EMCN: variants seen among roughly 807,000 people sequenced by gnomAD.
The protein encoded by EMCN is endomucin.
A neutral mutation model predicts 38.4 loss-of-function variants in EMCN; 37 were observed. That is an observed-to-expected ratio of 0.96 (90% CI 0.74 to 1.27). The LOEUF (loss-of-function observed/expected upper bound fraction) is 1.27, where lower values mean the gene tolerates loss of function less well. Among genes scored for constraint, EMCN ranks in the 50% most tolerant of loss-of-function variants. The pLI, the probability that EMCN is intolerant of heterozygous loss-of-function variation, is 0.00. For synonymous variants in EMCN, 95 were observed against 100.8 expected, an observed-to-expected ratio of 0.94 and a Z score of 0.35; for missense variants, 318 against 302.8, an observed-to-expected ratio of 1.05 and a Z score of -0.37.
At chr4:100,447,030 C>T (rs1264989852) in intron 5 of EMCN, among the ~76,000 whole-genome samples, 4 of 152,152 alleles carry the variant, frequency 2.6e-5, no homozygotes, top group Admixed American at 6.6e-5. Flanking sequence ...CCCTGCCCAA[C>T]GATCTTCAAT....
chr4:100,413,622 T>G (rs1037690950), intron 10 of EMCN, among the ~76,000 whole-genome samples: 1 of 152,206 alleles, frequency 6.6e-6, no homozygotes, highest in African/African-American at 2.4e-5. Flanking sequence ...GATAGCATTA[T>G]ATTTTAGATG....
intron 11 of EMCN, among the ~76,000 whole-genome samples, chr4:100,401,650 T>G (rs571023443): frequency 6.6e-6 from 1 of 152,324 alleles, no homozygotes; most frequent in African/African-American, 2.4e-5. Context: ...TCCCAGATTA[T>G]CAGGGCACCA....
rs1394743544 is a variant in EMCN, at chr4:100,396,918, C to T, written c.*1495G>A. The T allele has an allele frequency of 2.0e-5, 3 of 151,162 alleles. No individual in the cohort carries two copies. The highest frequency in any genetic ancestry group is 7.3e-5 in the African/African-American group (3 of 41,212). The allele number at this position is 151,162 out of a possible 1,614,324, so 9.4% of individuals were successfully genotyped here. A position where few individuals can be genotyped will look rare whatever the true frequency, so the allele number is the denominator to read the frequency against. ...ATAGTGGAGATCCCTGCCTTCTTCT[C>T]TCCTCTCTTCCTTTCCTTTCTTTCT... On this transcript the variant is annotated 3_prime_UTR_variant, in exon 12 of 12. Transcript: ENST00000296420.
At chr4:100,425,149 G>GCGCA (rs1553927262) in intron 5 of EMCN, among the ~76,000 whole-genome samples, 21 of 141,140 alleles carry the variant, frequency 1.5e-4, no homozygotes, top group Non-Finnish European at 2.1e-4. Context: ...TCTGAATCCA[G>GCGCA]CACACACACA....
chr4:100,509,567 A>G (rs961613809), intron 1 of EMCN, among the ~76,000 whole-genome samples: 2 of 152,172 alleles, frequency 1.3e-5, no homozygotes, highest in Non-Finnish European at 2.9e-5. Flanking sequence ...CTCAACGCTT[A>G]TGTTCTCACA....
chr4:100,432,267 C>G (rs1287879687), intron 5 of EMCN, among the ~76,000 whole-genome samples: 2 of 151,960 alleles, frequency 1.3e-5, no homozygotes, highest in Non-Finnish European at 2.9e-5. Context: ...TTAAAACCAG[C>G]CTTTTTTTTT....
chr4:100,434,378 CCA>C (rs1560613131), intron 5 of EMCN, among the ~76,000 whole-genome samples: 70 of 114,180 alleles, frequency 6.1e-4, no homozygotes, highest in African/African-American at 1.9e-3. Flanking sequence ...AAATAGCCTA[CCA>C]AGCAAAAAAA....
chr4:100,421,270 A>G lies in EMCN; in HGVS notation c.664+12T>C, dbSNP rs1578400953. On this transcript the variant is annotated intron_variant, in intron 8 of 11. Transcript: ENST00000296420. ...TTCTTTCAGGAAAACAAAACAAAAC[A>G]CTGTTACCTACCCGGATCTGCCTTC... 2.5e-6 allele frequency: 4 copies of G among 1,609,270 alleles called. No homozygotes were observed. Among genetic ancestry groups the G allele is most frequent in the Non-Finnish European group, 3.4e-6 (4 of 1,176,176 alleles).
chr4:100,475,658 C>CATTTTTTTT (rs1728617733), intron 2 of EMCN, among the ~76,000 whole-genome samples: 2 of 108,092 alleles, frequency 1.9e-5, no homozygotes, highest in African/African-American at 3.7e-5. Context: ...CAATTCTAGT[C>CATTTTTTTT]CTTTTTTTTT....
intron 4 of EMCN, among the ~76,000 whole-genome samples, chr4:100,464,565 A>G (rs1560626279): frequency 6.6e-6 from 1 of 151,996 alleles, no homozygotes; most frequent in Non-Finnish European, 1.5e-5. Context: ...AGGAAATTTC[A>G]TTACATTTCT....
Position 100,437,496 on chromosome 4 carries a change from G to T in EMCN, c.415+10037C>A, listed in dbSNP as rs543647916. 1.5e-3 allele frequency among the ~76,000 whole-genome samples: 220 copies of T among 151,674 alleles called. 1 individual carries two copies. Among genetic ancestry groups the T allele is most frequent in the African/African-American group, 5.1e-3 (213 of 41,442 alleles). ...TCATTTCTGAGGCCAATGCCCAGCA[G>T]ATTTTCCCCTATGTTGTCTTCTAGG... On this transcript the variant is annotated intron_variant, in intron 5 of 11. Coordinates refer to ENST00000296420, the MANE Select transcript of EMCN (RefSeq NM_016242.4).
chr4:100,507,218 G>A (rs759810206), intron 1 of EMCN, among the ~76,000 whole-genome samples: 12 of 152,174 alleles, frequency 7.9e-5, no homozygotes, highest in Admixed American at 2.0e-4. Context: ...ATTTTATAAT[G>A]ATTAGGAGAT....
chr4:100,403,375 G>C (rs1227749215), intron 11 of EMCN, among the ~76,000 whole-genome samples: 1 of 152,012 alleles, frequency 6.6e-6, no homozygotes, highest in Non-Finnish European at 1.5e-5. Flanking sequence ...GTAACAATCT[G>C]GCTCTCTTAT....
intron 1 of EMCN, among the ~76,000 whole-genome samples, chr4:100,484,214 T>C (rs1322037731): frequency 2.0e-5 from 3 of 152,260 alleles, no homozygotes; most frequent in Admixed American, 2.0e-4. Flanking sequence ...TTCTCTGAAG[T>C]TCAATATAGG....
intron 11 of EMCN, among the ~76,000 whole-genome samples, chr4:100,403,286 G>A (rs1726308343): frequency 6.6e-6 from 1 of 152,066 alleles, no homozygotes; most frequent in Non-Finnish European, 1.5e-5. Flanking sequence ...GAAATGCGAA[G>A]ATAAAGTATT....
intron 1 of EMCN, among the ~76,000 whole-genome samples, chr4:100,488,402 G>A (rs1447539272): frequency 3.3e-5 from 5 of 152,156 alleles, no homozygotes; most frequent in Non-Finnish European, 7.4e-5. Context: ...ATTTGGTGAT[G>A]TTGCCTGGAT....
intron 4 of EMCN, among the ~76,000 whole-genome samples, chr4:100,449,939 A>T (rs964080640): frequency 2.0e-5 from 3 of 152,026 alleles, no homozygotes; most frequent in African/African-American, 4.8e-5. Flanking sequence ...AAAATATTTT[A>T]AAAATGATAA....
chr4:100,398,958 G>C (rs948123814), intron 11 of EMCN, among the ~76,000 whole-genome samples: 1 of 152,098 alleles, frequency 6.6e-6, no homozygotes, highest in South Asian at 2.1e-4. Context: ...GTCCTTAACT[G>C]TACCCTATCA....
intron 2 of EMCN, among the ~76,000 whole-genome samples, chr4:100,478,538 A>AAG (rs904634753): frequency 1.3e-5 from 2 of 152,132 alleles, no homozygotes; most frequent in African/African-American, 4.8e-5. Context: ...CAACCAAATT[A>AAG]AGAGAGAGAG....
Sources: gnomAD v4.1 joint callset for allele counts (sites outside exome capture counted in the v4.1 genomes callset) on GRCh38, gnomAD v4.1.1 for gene constraint, MANE v1.5 for transcripts, NCBI Gene and HGNC (gene_info 2026-07-23, HGNC 2026-07-21) for gene names.